The following PJA2 variants were observed in gnomAD, a reference collection of about 807,000 sequenced individuals.
The protein encoded by PJA2 is E3 ubiquitin-protein ligase Praja-2.
In PJA2, 25 loss-of-function variants were observed where a neutral mutation model predicts 69.3. That is an observed-to-expected ratio of 0.36 (90% CI 0.26 to 0.50). PJA2 has a LOEUF of 0.50. Ranked by LOEUF, PJA2 falls within the 20% of genes least tolerant of loss-of-function variation. PJA2 has a pLI of 0.96. For missense variants in PJA2, 809 were observed against 830.2 expected (o/e 0.97, Z 0.31); for synonymous variants, 308 against 277.8 (o/e 1.11, Z -1.08).
In PJA2 at chr5:109,361,624, G is replaced by A. The variant is rs78268956; in HGVS notation, c.1652+1216C>T. Among the ~76,000 whole-genome samples the A allele has an allele frequency of 7.0e-3, 1,062 of 152,268 alleles. 11 individuals are homozygous for A. The highest frequency in any genetic ancestry group is 0.024 in the African/African-American group (999 of 41,552). On this transcript the variant is annotated intron_variant, in intron 6 of 9. Transcript: ENST00000361189. ...AAAGGTAATGGGGAGACACAGAAAC[G>A]GAGGAAAAGAGAGACGTATCAAGAT...
intron 5 of PJA2, among the ~76,000 whole-genome samples, chr5:109,367,245 C>A (rs1762600496): frequency 6.7e-6 from 1 of 149,136 alleles, no homozygotes; most frequent in Non-Finnish European, 1.5e-5. Context: ...CTGTTGAAAC[C>A]AATTATGTTT....
chr5:109,401,080 C>T (rs1184327619), intron 1 of PJA2, among the ~76,000 whole-genome samples: 1 of 152,030 alleles, frequency 6.6e-6, no homozygotes, highest in East Asian at 1.9e-4. Context: ...CCACTTGAGG[C>T]CAGGAGTTTG....
intron 9 of PJA2, among the ~76,000 whole-genome samples, chr5:109,341,792 C>CT (rs1762068104): frequency 9.1e-6 from 1 of 109,854 alleles, no homozygotes; most frequent in African/African-American, 3.3e-5. Context: ...GTCGGCCCCC[C>CT]GCCCGGCCAG....
intron 4 of PJA2, among the ~76,000 whole-genome samples, chr5:109,376,737 G>C (rs1465134362): frequency 1.3e-5 from 2 of 151,966 alleles, no homozygotes; most frequent in African/African-American, 2.4e-5. Context: ...TAATATTAGA[G>C]ACTTGCAATC....
chr5:109,382,160 G>C (rs1032909638), intron 2 of PJA2, among the ~76,000 whole-genome samples: 1 of 152,046 alleles, frequency 6.6e-6, no homozygotes, highest in Non-Finnish European at 1.5e-5. Flanking sequence ...AAACATTTAT[G>C]TCAAAGATAA....
intron 9 of PJA2, among the ~76,000 whole-genome samples, chr5:109,338,409 G>C (rs1761983592): frequency 6.6e-6 from 1 of 152,088 alleles, no homozygotes; most frequent in Non-Finnish European, 1.5e-5. Flanking sequence ...GGAGTCCGAG[G>C]TGGACAGATT....
intron 5 of PJA2, among the ~76,000 whole-genome samples, chr5:109,367,229 C>G (rs990834556): frequency 6.7e-6 from 1 of 149,140 alleles, no homozygotes; most frequent in Non-Finnish European, 1.5e-5. Context: ...CCACCTCAAC[C>G]TACCACTGTT....
chr5:109,362,130 T>C (rs1040335377), intron 6 of PJA2, among the ~76,000 whole-genome samples: 1 of 152,206 alleles, frequency 6.6e-6, no homozygotes, highest in Admixed American at 6.5e-5. Context: ...TACACCAAGA[T>C]ATCTTTTTTG....
At chr5:109,377,078 TACTA>T (rs1287681514) in intron 4 of PJA2, among the ~76,000 whole-genome samples, 4 of 152,128 alleles carry the variant, frequency 2.6e-5, no homozygotes, top group Non-Finnish European at 5.9e-5. Context: ...AAAAATTACT[TACTA>T]ACCCTTAAAG....
At chr5:109,357,733 A>G (rs967247799) in intron 6 of PJA2, among the ~76,000 whole-genome samples, 10 of 152,250 alleles carry the variant, frequency 6.6e-5, no homozygotes, top group Admixed American at 1.3e-4. Flanking sequence ...GCGGGAGAGC[A>G]CTACTAGAAG....
rs1050923029 is a variant in PJA2 at position 109,335,616 on chromosome 5, T to A, written c.*1615A>T. 6.6e-6 allele frequency: 1 copy of A among 152,142 alleles called. No individual in the cohort carries two copies. Among genetic ancestry groups the A allele is most frequent in the Non-Finnish European group, 1.5e-5 (1 of 68,002 alleles). 9.4% of individuals were successfully genotyped at this position (152,142 alleles called of 1,614,324 possible). On this transcript the variant is annotated 3_prime_UTR_variant, in exon 10 of 10. Transcript: ENST00000361189. ...GCCACAAATTTCCACCATATACACATGAAATTAATTTTAATCTGTTTTGAC... is the reference window on the plus strand; with the variant it reads ...GCCACAAATTTCCACCATATACACAAGAAATTAATTTTAATCTGTTTTGAC...
chr5:109,403,579 A>G (rs1228243822), intron 1 of PJA2, among the ~76,000 whole-genome samples: 2 of 151,996 alleles, frequency 1.3e-5, no homozygotes, highest in Admixed American at 1.3e-4. Flanking sequence ...AAATTTCACC[A>G]ATTTATAAAA....
At chr5:109,405,317 G>A (rs2127020397) in intron 1 of PJA2, among the ~76,000 whole-genome samples, 1 of 152,340 alleles carries the variant, frequency 6.6e-6, no homozygotes. Flanking sequence ...CTGTATTCAT[G>A]AATTGGAAGA....
intron 1 of PJA2, among the ~76,000 whole-genome samples, chr5:109,403,723 C>T (rs1322448890): frequency 7.1e-6 from 1 of 140,594 alleles, no homozygotes; most frequent in Non-Finnish European, 1.5e-5. Flanking sequence ...TCAATAAATA[C>T]AGTAATAATA....
At chr5:109,407,062 C>CT (rs1436152488) in intron 1 of PJA2, among the ~76,000 whole-genome samples, 1 of 152,114 alleles carries the variant, frequency 6.6e-6, no homozygotes, top group African/African-American at 2.4e-5. Flanking sequence ...CAAAAGGGAA[C>CT]TTTGGGGGAG....
chr5:109,345,180 T>TAAAA (rs60910860), intron 7 of PJA2, among the ~76,000 whole-genome samples: 11 of 103,976 alleles, frequency 1.1e-4, no homozygotes, highest in Admixed American at 2.0e-4. Context: ...CCGTCTCTAG[T>TAAAA]AAAAAAAAAA....
At chr5:109,405,761 T>C (rs1425573935) in intron 1 of PJA2, among the ~76,000 whole-genome samples, 2 of 152,146 alleles carry the variant, frequency 1.3e-5, no homozygotes, top group Admixed American at 6.5e-5. Context: ...TGCCTTGACA[T>C]GAAAGCCAAA....
At position 109,378,640 on chromosome 5, in the gene PJA2, G is replaced by C. The variant is rs780734198; in HGVS notation, c.847C>G (p.Pro283Ala). The C allele has an allele frequency of 6.2e-7, 1 of 1,614,058 alleles. No homozygotes were observed. Among genetic ancestry groups the C allele is most frequent in the South Asian group, 1.1e-5 (1 of 91,066 alleles). ...TSQERQTEHS[P>A]EDAACGPGHI... ...CCTGGACCACAGGCTGCATCTTCAG[G>C]TGAATGTTCTGTCTGTCTTTCCTGG... is the stretch of plus-strand genomic sequence containing the variant. Residue 283 changes from proline (P) to alanine (A), a missense_variant, in exon 4 of 10, where the codon CCT (proline) becomes GCT (alanine). This residue lies in a region of PJA2 where 700 missense variants were observed against 639.5 expected (regional missense o/e 1.09). Transcript: ENST00000361189.
intron 4 of PJA2, among the ~76,000 whole-genome samples, chr5:109,377,249 A>G (rs1236080012): frequency 6.6e-6 from 1 of 152,128 alleles, no homozygotes; most frequent in African/African-American, 2.4e-5. Flanking sequence ...TCAAAATGGT[A>G]AATTTCTTCC....
Sources: allele counts gnomAD v4.1 joint callset (sites outside exome capture counted in the v4.1 genomes callset), GRCh38; gene constraint gnomAD v4.1.1; regional missense constraint gnomAD v4.1.1; transcripts MANE v1.5; gene names NCBI Gene and HGNC (gene_info 2026-07-23, HGNC 2026-07-21).